Variants in SGCZ observed in about 807,000 individuals in gnomAD.
The protein encoded by SGCZ is sarcoglycan zeta, also known as zeta-sarcoglycan.
In SGCZ, 40 loss-of-function variants were observed where a neutral mutation model predicts 41.3. That is an observed-to-expected ratio of 0.97 (90% CI 0.75 to 1.26). SGCZ has a LOEUF of 1.26. SGCZ is among the 50% of genes most tolerant of loss of function. The pLI is 0.00. For synonymous variants in SGCZ, 206 were observed against 137.5 expected (o/e 1.50, Z -3.49); for missense variants, 552 against 369.8 (o/e 1.49, Z -4.04).
chr8:14,777,966 C>G, intron 1 of SGCZ, among the ~76,000 whole-genome samples: 1 of 151,754 alleles, frequency 6.6e-6, no homozygotes, highest in Non-Finnish European at 1.5e-5. Context: ...CTTTGTTACT[C>G]AGGCTGGAGT....
chr8:14,445,784 A>G (rs1037594818), intron 2 of SGCZ, among the ~76,000 whole-genome samples: 4 of 152,170 alleles, frequency 2.6e-5, no homozygotes, highest in Admixed American at 6.6e-5. Context: ...GTCTGCAGAC[A>G]GTGGAGTTAG....
intron 1 of SGCZ, among the ~76,000 whole-genome samples, chr8:15,061,402 G>A (rs1585523449): frequency 6.6e-6 from 1 of 151,870 alleles, no homozygotes; most frequent in East Asian, 1.9e-4. Flanking sequence ...GGCTAAGGAA[G>A]GGATAGCACT....
intron 1 of SGCZ, among the ~76,000 whole-genome samples, chr8:14,840,908 T>C (rs756548424): frequency 2.0e-5 from 3 of 152,156 alleles, no homozygotes; most frequent in Non-Finnish European, 4.4e-5. Flanking sequence ...ATAATATTTA[T>C]TTTATTTTGG....
chr8:14,720,674 T>C (rs1056549069), intron 1 of SGCZ, among the ~76,000 whole-genome samples: 1 of 152,074 alleles, frequency 6.6e-6, no homozygotes, highest in Non-Finnish European at 1.5e-5. Context: ...CATTTAAATA[T>C]TGTCTACTTC....
chr8:14,841,201 T>C (rs1170209901), intron 1 of SGCZ, among the ~76,000 whole-genome samples: 1 of 152,104 alleles, frequency 6.6e-6, no homozygotes, highest in Non-Finnish European at 1.5e-5. Context: ...AAAAACAGAC[T>C]AAATGTTATG....
At chr8:14,542,311 T>G (rs915455045) in intron 2 of SGCZ, among the ~76,000 whole-genome samples, 3 of 152,038 alleles carry the variant, frequency 2.0e-5, no homozygotes, top group African/African-American at 7.2e-5. Flanking sequence ...AATGCAGAGA[T>G]TACATTTGCC....
At chr8:14,613,133 G>C (rs1805984226) in intron 1 of SGCZ, among the ~76,000 whole-genome samples, 1 of 152,178 alleles carries the variant, frequency 6.6e-6, no homozygotes, top group African/African-American at 2.4e-5. Flanking sequence ...GAGTGAACCT[G>C]CTGGGAGGGT....
chr8:14,744,789 A>G (rs747117870), intron 1 of SGCZ, among the ~76,000 whole-genome samples: 2 of 152,180 alleles, frequency 1.3e-5, no homozygotes, highest in Non-Finnish European at 2.9e-5. Context: ...TATTCATTCC[A>G]CATGGCAATT....
intron 5 of SGCZ, among the ~76,000 whole-genome samples, chr8:14,123,682 T>C (rs1248924548): frequency 6.6e-6 from 1 of 152,222 alleles, no homozygotes; most frequent in East Asian, 1.9e-4. Context: ...AGTAAAACTA[T>C]TTTTAAATGA....
chr8:15,091,236 G>C (rs1031495), intron 1 of SGCZ, among the ~76,000 whole-genome samples: 7 of 151,884 alleles, frequency 4.6e-5, no homozygotes, highest in African/African-American at 1.7e-4. Flanking sequence ...GCCCAGGCTG[G>C]CCTGCAACTC....
At chr8:14,761,917 A>G (rs572640494) in intron 1 of SGCZ, among the ~76,000 whole-genome samples, 3 of 152,224 alleles carry the variant, frequency 2.0e-5, no homozygotes, top group Non-Finnish European at 4.4e-5. Flanking sequence ...TGAGGAAACC[A>G]CCTTTCCAAG....
intron 1 of SGCZ, among the ~76,000 whole-genome samples, chr8:14,962,015 C>T (rs868305935): frequency 1.3e-5 from 2 of 152,030 alleles, no homozygotes; most frequent in African/African-American, 2.4e-5. Flanking sequence ...TATCATTTTC[C>T]AATTAATCTG....
At chr8:14,562,084 TA>T (rs1804223116) in intron 1 of SGCZ, among the ~76,000 whole-genome samples, 1 of 152,066 alleles carries the variant, frequency 6.6e-6, no homozygotes, top group Non-Finnish European at 1.5e-5. Flanking sequence ...ATCTGGATGG[TA>T]TGGGAGAAAA....
intron 5 of SGCZ, among the ~76,000 whole-genome samples, chr8:14,132,369 T>C (rs1408526177): frequency 6.6e-6 from 1 of 152,188 alleles, no homozygotes; most frequent in Non-Finnish European, 1.5e-5. Context: ...AAAATACAAA[T>C]TTCAAAGGCA....
chr8:14,088,578 G>C lies in SGCZ; in HGVS notation c.*1865C>G, dbSNP rs1249117388. ...ATTTTAATATAAATTAAACTCTTGT[G>C]TTATAACTTTGTAAGCAATCGTATA... On this transcript the variant is annotated 3_prime_UTR_variant, in exon 8 of 8. Transcript: ENST00000382080. Among the ~76,000 whole-genome samples, 1 of 151,578 alleles carries C rather than the reference G, an allele frequency of 6.6e-6. No homozygotes were observed. Among genetic ancestry groups the C allele is most frequent in the African/African-American group, 2.4e-5 (1 of 41,344 alleles).
intron 5 of SGCZ, among the ~76,000 whole-genome samples, chr8:14,160,556 T>A (rs113776369): frequency 5.3e-5 from 8 of 152,292 alleles, no homozygotes; most frequent in African/African-American, 1.7e-4. Flanking sequence ...AGAGAGGACA[T>A]GTTAAGGTCA....
intron 6 of SGCZ, among the ~76,000 whole-genome samples, chr8:14,105,901 T>TA (rs536674155): frequency 6.6e-5 from 10 of 151,924 alleles, no homozygotes; most frequent in Admixed American, 1.3e-4. Flanking sequence ...ACGTTAGAAA[T>TA]AAAAAAAAGT....
intron 1 of SGCZ, among the ~76,000 whole-genome samples, chr8:14,654,294 A>T (rs898563589): frequency 1.3e-5 from 2 of 151,734 alleles, no homozygotes; most frequent in African/African-American, 4.8e-5. Flanking sequence ...CCTCGGGAGG[A>T]ATCCCAGTTC....
chr8:15,172,961 G>A (rs991424758), intron 1 of SGCZ, among the ~76,000 whole-genome samples: 12 of 152,176 alleles, frequency 7.9e-5, no homozygotes, highest in African/African-American at 2.9e-4. Context: ...GTCATTACGA[G>A]ATTTCATTTT....
Sources: gnomAD v4.1 joint callset for allele counts (sites outside exome capture counted in the v4.1 genomes callset) on GRCh38, gnomAD v4.1.1 for gene constraint, MANE v1.5 for transcripts, NCBI Gene and HGNC (gene_info 2026-07-23, HGNC 2026-07-21) for gene names.